Variants in CNTN4 observed in about 807,000 individuals in gnomAD.
CNTN4 encodes contactin-4.
Under a neutral mutation model 122.5 loss-of-function variants are expected in CNTN4, and 77 were observed. The observed-to-expected ratio is 0.63, with a 90% CI of 0.52 to 0.76. The LOEUF is 0.76. Among genes scored for constraint, CNTN4 ranks in the 30% least tolerant of loss-of-function variants. The pLI is 0.00. For missense variants in CNTN4, 1,256 were observed against 1,259.1 expected, an observed-to-expected ratio of 1.00 and a Z score of 0.04; for synonymous variants, 512 against 447.0, an observed-to-expected ratio of 1.15 and a Z score of -1.83.
intron 4 of CNTN4, among the ~76,000 whole-genome samples, chr3:2,607,219 G>T (rs13067241): frequency 0.09 from 13,721 of 152,134 alleles, 851 homozygotes; most frequent in Non-Finnish European, 0.13. Flanking sequence ...TAGTCATATT[G>T]CAGAGCAATT....
At chr3:2,308,976 T>C (rs569555238) in intron 2 of CNTN4, among the ~76,000 whole-genome samples, 1 of 152,152 alleles carries the variant, frequency 6.6e-6, no homozygotes, top group Non-Finnish European at 1.5e-5. Context: ...TTTGCTGGTC[T>C]AGTTTGTTTA....
At chr3:2,310,118 A>AGATG (rs10662558) in intron 2 of CNTN4, among the ~76,000 whole-genome samples, 37,615 of 151,760 alleles carry the variant, frequency 0.25, 5,477 homozygotes, top group East Asian at 0.52. Context: ...TGTTGGTACC[A>AGATG]GATGGATGGA....
intron 2 of CNTN4, among the ~76,000 whole-genome samples, chr3:2,230,362 C>A (rs1014656810): frequency 6.6e-6 from 1 of 152,156 alleles, no homozygotes. Context: ...AGATAGACAA[C>A]AAGAAACTTG....
chr3:3,012,734 G>A lies in CNTN4; in HGVS notation c.1487-13368G>A, dbSNP rs193001120. On this transcript the variant is annotated intron_variant, in intron 14 of 24. Coordinates refer to ENST00000418658, the MANE Select transcript of CNTN4 (RefSeq NM_175607.3). ...CTGTAATCCCAGCACTTTGGGAGGCGGAGGCGGGCAGATCACCTGAGGTCA... is the reference window on the plus strand; with the variant it reads ...CTGTAATCCCAGCACTTTGGGAGGCAGAGGCGGGCAGATCACCTGAGGTCA... Among the ~76,000 whole-genome samples, 357 of 152,118 alleles carry A rather than the reference G, an allele frequency of 2.3e-3. 1 individual carries two copies. Among genetic ancestry groups the A allele is most frequent in the Non-Finnish European group, 3.0e-3 (201 of 67,996 alleles).
At chr3:2,441,556 A>G (rs898786776) in intron 3 of CNTN4, among the ~76,000 whole-genome samples, 3 of 152,196 alleles carry the variant, frequency 2.0e-5, no homozygotes, top group Non-Finnish European at 4.4e-5. Context: ...CAGGTAATAA[A>G]TAAGGTATTA....
intron 12 of CNTN4, among the ~76,000 whole-genome samples, chr3:2,919,377 A>C (rs4992237): frequency 0.55 from 80,587 of 145,612 alleles, 22,655 homozygotes; most frequent in East Asian, 0.68. Context: ...AAAAAAAAAA[A>C]CCAGATCGTT....
chr3:2,264,565 T>TTATC (rs2040966094), intron 2 of CNTN4, among the ~76,000 whole-genome samples: 1 of 152,162 alleles, frequency 6.6e-6, no homozygotes, highest in Non-Finnish European at 1.5e-5. Flanking sequence ...ATTTTGTAAG[T>TTATC]TATCTCTTCA....
chr3:2,103,751 G>T (rs1034362726), intron 2 of CNTN4, among the ~76,000 whole-genome samples: 2 of 151,918 alleles, frequency 1.3e-5, no homozygotes, highest in Non-Finnish European at 2.9e-5. Flanking sequence ...TTTTCTATAT[G>T]ACTAAGGGGA....
chr3:2,725,326 C>T (rs1266105272), intron 4 of CNTN4, among the ~76,000 whole-genome samples: 1 of 152,132 alleles, frequency 6.6e-6, no homozygotes, highest in African/African-American at 2.4e-5. Flanking sequence ...TATGCCTGCA[C>T]CCCGTCCCCA....
At chr3:2,531,003 A>G (rs886926392) in intron 3 of CNTN4, among the ~76,000 whole-genome samples, 1 of 152,194 alleles carries the variant, frequency 6.6e-6, no homozygotes, top group African/African-American at 2.4e-5. Flanking sequence ...TGCCATCTTC[A>G]TAGATGACTC....
chr3:2,838,861 C>G (rs918538805), intron 7 of CNTN4, among the ~76,000 whole-genome samples: 2 of 152,192 alleles, frequency 1.3e-5, no homozygotes, highest in African/African-American at 4.8e-5. Context: ...AGTTTCCTCC[C>G]CAACACCGAC....
chr3:2,293,281 A>C (rs936424872), intron 2 of CNTN4, among the ~76,000 whole-genome samples: 1 of 152,242 alleles, frequency 6.6e-6, no homozygotes, highest in Non-Finnish European at 1.5e-5. Flanking sequence ...TAGTAGTACT[A>C]TCTTATACTG....
intron 3 of CNTN4, among the ~76,000 whole-genome samples, chr3:2,501,244 G>T (rs1276363477): frequency 6.6e-6 from 1 of 152,034 alleles, no homozygotes; most frequent in Non-Finnish European, 1.5e-5. Flanking sequence ...TAGTTTTTGT[G>T]TTAACATTTC....
chr3:2,125,577 T>C (rs948409269), intron 2 of CNTN4, among the ~76,000 whole-genome samples: 6 of 125,084 alleles, frequency 4.8e-5, no homozygotes, highest in African/African-American at 1.5e-4. Flanking sequence ...TTTTTTTTTT[T>C]GAGACGAGTC....
At chr3:2,236,412 T>C (rs2039683577) in intron 2 of CNTN4, among the ~76,000 whole-genome samples, 1 of 152,210 alleles carries the variant, frequency 6.6e-6, no homozygotes, top group Non-Finnish European at 1.5e-5. Context: ...GTCATGTGTG[T>C]GGAAGCATAT....
intron 3 of CNTN4, among the ~76,000 whole-genome samples, chr3:2,354,793 C>G (rs528983126): frequency 6.6e-6 from 1 of 152,254 alleles, no homozygotes; most frequent in South Asian, 2.1e-4. Flanking sequence ...CCAGCTCTCC[C>G]TGCCACCTAC....
At chr3:2,182,450 A>G (rs1000963057) in intron 2 of CNTN4, among the ~76,000 whole-genome samples, 3 of 144,668 alleles carry the variant, frequency 2.1e-5, no homozygotes, top group Non-Finnish European at 3.2e-5. Context: ...TCACTACTAA[A>G]TAAGAAATTC....
At chr3:2,465,696 A>G (rs2075472370) in intron 3 of CNTN4, among the ~76,000 whole-genome samples, 1 of 152,094 alleles carries the variant, frequency 6.6e-6, no homozygotes, top group African/African-American at 2.4e-5. Flanking sequence ...AAAAATTCAA[A>G]TAAAAAAATA....
intron 15 of CNTN4, among the ~76,000 whole-genome samples, chr3:3,027,100 G>A (rs986440841): frequency 3.9e-5 from 6 of 152,110 alleles, no homozygotes; most frequent in Non-Finnish European, 7.4e-5. Flanking sequence ...CCTTTACGTT[G>A]AGAATAAGTG....
Sources: gnomAD v4.1 joint callset for allele counts (sites outside exome capture counted in the v4.1 genomes callset) on GRCh38, gnomAD v4.1.1 for gene constraint, MANE v1.5 for transcripts, NCBI Gene and HGNC (gene_info 2026-07-23, HGNC 2026-07-21) for gene names.